Variants in ARHGAP42 observed in about 807,000 individuals in gnomAD.
ARHGAP42 encodes Rho GTPase activating protein 42.
In ARHGAP42, 63 loss-of-function variants were observed where a neutral mutation model predicts 125.0. The ratio of observed to expected loss-of-function variants is 0.50; its 90% CI spans 0.41 to 0.62. The LOEUF is 0.62. ARHGAP42 is among the 20% of genes least tolerant of loss of function. ARHGAP42 has a pLI of 0.00. For synonymous variants in ARHGAP42, 339 were observed against 351.0 expected (o/e 0.97, Z 0.38); for missense variants, 766 against 1,024.2 (o/e 0.75, Z 3.44).
At chr11:100,921,990 G>C (rs1231131674) in intron 6 of ARHGAP42, among the ~76,000 whole-genome samples, 1 of 149,354 alleles carries the variant, frequency 6.7e-6, no homozygotes, top group Non-Finnish European at 1.5e-5. Context: ...GGGTGCAGAG[G>C]TGGTGGGGGA....
At chr11:100,886,563 A>G (rs1334933483) in intron 4 of ARHGAP42, among the ~76,000 whole-genome samples, 1 of 152,238 alleles carries the variant, frequency 6.6e-6, no homozygotes, top group Non-Finnish European at 1.5e-5. Context: ...TCTAATTTGT[A>G]TAATCATCAC....
intron 2 of ARHGAP42, among the ~76,000 whole-genome samples, chr11:100,789,531 GGGCATGAGTCTT>G (rs57604555): frequency 0.16 from 24,513 of 152,168 alleles, 2,109 homozygotes; most frequent in Middle Eastern, 0.22. Flanking sequence ...GTCAAGCCAT[GGGCATGAGTCTT>G]GGCGTGAGCA....
At chr11:100,817,614 T>A (rs2135070333) in intron 3 of ARHGAP42, among the ~76,000 whole-genome samples, 1 of 152,318 alleles carries the variant, frequency 6.6e-6, no homozygotes, top group Non-Finnish European at 1.5e-5. Context: ...ATTTGTATAA[T>A]AATTAATGTT....
chr11:100,977,389 T>G (rs1477703490), intron 21 of ARHGAP42, among the ~76,000 whole-genome samples: 1 of 152,152 alleles, frequency 6.6e-6, no homozygotes, highest in African/African-American at 2.4e-5. Flanking sequence ...TCTTTCTCAC[T>G]TCCATCCTAC....
chr11:100,824,925 A>G (rs1014814954), intron 3 of ARHGAP42, among the ~76,000 whole-genome samples: 3 of 152,352 alleles, frequency 2.0e-5, no homozygotes, highest in Non-Finnish European at 4.4e-5. Flanking sequence ...GCCTTAGCAC[A>G]TAGCACAGCT....
At chr11:100,951,916 T>C (rs1857663944) in intron 12 of ARHGAP42, among the ~76,000 whole-genome samples, 1 of 152,142 alleles carries the variant, frequency 6.6e-6, no homozygotes, top group Non-Finnish European at 1.5e-5. Flanking sequence ...TTCTCCATAG[T>C]AGTCAATACA....
intron 4 of ARHGAP42, among the ~76,000 whole-genome samples, chr11:100,898,873 G>A (rs1424918752): frequency 1.6e-4 from 24 of 151,542 alleles, no homozygotes; most frequent in Admixed American, 1.6e-3. Flanking sequence ...GTTATTTCTT[G>A]GTTCTGCTAG....
intron 4 of ARHGAP42, among the ~76,000 whole-genome samples, chr11:100,876,299 A>G (rs1234940797): frequency 1.3e-5 from 2 of 152,242 alleles, no homozygotes; most frequent in African/African-American, 2.4e-5. Context: ...TGAAGAAAAT[A>G]TATACGTTCT....
At chr11:100,950,400 A>G (rs1367334121) in intron 12 of ARHGAP42, among the ~76,000 whole-genome samples, 6 of 150,224 alleles carry the variant, frequency 4.0e-5, no homozygotes, top group Admixed American at 6.7e-5. Context: ...CACAGTGGAG[A>G]GCTTCTTTGT....
intron 3 of ARHGAP42, among the ~76,000 whole-genome samples, chr11:100,830,951 T>C (rs1864650130): frequency 1.3e-5 from 2 of 152,074 alleles, no homozygotes; most frequent in South Asian, 4.1e-4. Flanking sequence ...CCGTGAGTAA[T>C]GTACGGGGTG....
In ARHGAP42 at chr11:100,750,570, C is replaced by T. The variant is rs1252763922; in HGVS notation, c.155-19773C>T. Among the ~76,000 whole-genome samples, 171 of 125,028 alleles carry T rather than the reference C, an allele frequency of 1.4e-3. No individual in the cohort carries two copies. In the Middle Eastern group the frequency reaches 0.018, roughly 13 times the overall value. 82.0% of individuals were successfully genotyped at this position (125,028 alleles called of 152,430 possible). Reference sequence around the variant, plus strand: ...TGCACGTGGCCCCTGCTGCTGTGTCCTTCCCCTATTGGCTAGGGTTAGACC... The same window carrying T: ...TGCACGTGGCCCCTGCTGCTGTGTCTTTCCCCTATTGGCTAGGGTTAGACC... On this transcript the variant is annotated intron_variant, in intron 1 of 23. Coordinates refer to ENST00000298815, the MANE Select transcript of ARHGAP42 (RefSeq NM_152432.4).
chr11:100,840,161 ATTC>A (rs1864912820), intron 3 of ARHGAP42, among the ~76,000 whole-genome samples: 1 of 152,148 alleles, frequency 6.6e-6, no homozygotes, highest in Non-Finnish European at 1.5e-5. Context: ...TGCCCTCCAT[ATTC>A]TTTTAAAACA....
At chr11:100,834,111 G>A (rs942184008) in intron 3 of ARHGAP42, among the ~76,000 whole-genome samples, 5 of 152,058 alleles carry the variant, frequency 3.3e-5, no homozygotes, top group African/African-American at 1.2e-4. Context: ...ATTTACAGCT[G>A]TCCAGTCATT....
chr11:100,724,550 T>C (rs1361508516), intron 1 of ARHGAP42, among the ~76,000 whole-genome samples: 2 of 152,110 alleles, frequency 1.3e-5, no homozygotes, highest in African/African-American at 4.8e-5. Context: ...TTTGTATCTT[T>C]CAAGGTATTG....
chr11:100,882,857 T>G (rs1313818757), intron 4 of ARHGAP42, among the ~76,000 whole-genome samples: 1 of 152,210 alleles, frequency 6.6e-6, no homozygotes, highest in African/African-American at 2.4e-5. Context: ...CAGGAATTTA[T>G]CCATCTCCTC....
intron 15 of ARHGAP42, among the ~76,000 whole-genome samples, 172 bp from the exon 16 acceptor site, chr11:100,962,237 C>G (rs552080064): frequency 4.1e-4 from 62 of 152,272 alleles, no homozygotes; most frequent in African/African-American, 1.4e-3. Context: ...GGCCCCACTA[C>G]TGGAACTTTA....
intron 5 of ARHGAP42, among the ~76,000 whole-genome samples, chr11:100,920,880 C>G (rs1867220141): frequency 6.6e-6 from 1 of 151,956 alleles, no homozygotes; most frequent in Non-Finnish European, 1.5e-5. Flanking sequence ...TGAGGTGGCT[C>G]TCCTGCTTAA....
At chr11:100,805,610 C>A (rs1863969573) in intron 3 of ARHGAP42, among the ~76,000 whole-genome samples, 1 of 152,106 alleles carries the variant, frequency 6.6e-6, no homozygotes, top group Admixed American at 6.6e-5. Context: ...GTGGCATGGG[C>A]TGTTCAACTG....
intron 4 of ARHGAP42, among the ~76,000 whole-genome samples, chr11:100,879,282 C>T (rs1180452226): frequency 1.3e-5 from 2 of 152,130 alleles, no homozygotes; most frequent in East Asian, 1.9e-4. Context: ...ATGTGGTCCT[C>T]TCTATTTGGG....
Sources: gnomAD v4.1 joint callset for allele counts (sites outside exome capture counted in the v4.1 genomes callset) on GRCh38, gnomAD v4.1.1 for gene constraint, MANE v1.5 for transcripts, NCBI Gene and HGNC (gene_info 2026-07-23, HGNC 2026-07-21) for gene names.